The following CDKN2B-AS1 variants were observed in gnomAD, a reference collection of about 807,000 sequenced individuals.
CDKN2B-AS1 encodes CDKN2B antisense RNA 1 (non-protein coding).
intron 4 of CDKN2B-AS1, among the ~76,000 whole-genome samples, chr9:22,124,130 A>AAT (rs1256437486): frequency 1.3e-5 from 2 of 152,104 alleles, no homozygotes; most frequent in Admixed American, 6.6e-5. Flanking sequence ...AACATTTGGC[A>AAT]ATATATATAT....
At chr9:22,032,153 T>G (rs634537) in intron 1 of CDKN2B-AS1, among the ~76,000 whole-genome samples, 42,355 of 151,896 alleles carry the variant, frequency 0.28, 7,658 homozygotes, top group Non-Finnish European at 0.41. Flanking sequence ...AGGTTTTTTT[T>G]GGGGGGAGAA....
At chr9:22,012,209 C>G (rs1821538514) in intron 1 of CDKN2B-AS1, 1 of 1,403,226 alleles carries the variant, frequency 7.1e-7, no homozygotes, top group African/African-American at 1.4e-5. Flanking sequence ...TGAGGTCGAG[C>G]CCAGTGACAC....
intron 4 of CDKN2B-AS1, among the ~76,000 whole-genome samples, chr9:22,059,744 A>T (rs1003528850): frequency 6.6e-6 from 1 of 152,230 alleles, no homozygotes; most frequent in Admixed American, 6.5e-5. Flanking sequence ...CCCAGCAGCA[A>T]ACTTTTGCCT....
intron 4 of CDKN2B-AS1, among the ~76,000 whole-genome samples, chr9:22,100,111 A>G (rs114668629): frequency 0.013 from 1,987 of 152,276 alleles, 44 homozygotes; most frequent in African/African-American, 0.046. Flanking sequence ...TTTATTGACT[A>G]TATTTTATTC....
At chr9:22,020,105 T>A (rs2131220701) in intron 1 of CDKN2B-AS1, among the ~76,000 whole-genome samples, 1 of 152,348 alleles carries the variant, frequency 6.6e-6, no homozygotes, top group Admixed American at 6.5e-5. Flanking sequence ...CTTCCACTTA[T>A]AAGTGAGAAC....
At chr9:22,030,066 G>C (rs1030728545) in intron 1 of CDKN2B-AS1, 1 of 152,108 alleles carries the variant, frequency 6.6e-6, no homozygotes, top group African/African-American at 2.4e-5. Context: ...TTTCAGTTAC[G>C]TTTATAACTT....
intron 1 of CDKN2B-AS1, among the ~76,000 whole-genome samples, chr9:22,028,881 C>A (rs78895305): frequency 1.3e-5 from 2 of 151,968 alleles, no homozygotes; most frequent in African/African-American, 4.8e-5. Flanking sequence ...ATAATTGTAA[C>A]AATGATAAAT....
rs1821202823 is a variant in CDKN2B-AS1, at chr9:22,006,640, G to C, written n.29+11479G>C. ...AAAGTTTTAAATTATTTGCCTTGCT[G>C]ACCCCTCCTCCATAATCCAGGTCTA... On this transcript the variant is annotated intron_variant and non_coding_transcript_variant, in intron 1 of 4. Coordinates refer to ENST00000650946, the Ensembl canonical transcript of CDKN2B-AS1. This position sits in a 1 kb window ranked among gnomAD's most constrained non-coding sequence, Gnocchi z 6.4. Among the ~76,000 whole-genome samples, 1 of 152,126 alleles carries C rather than the reference G, an allele frequency of 6.6e-6. No individual in the cohort carries two copies. The highest frequency in any genetic ancestry group is 2.1e-4 in the South Asian group (1 of 4,824).
chr9:22,083,530 A>G (rs558980909), intron 4 of CDKN2B-AS1, among the ~76,000 whole-genome samples: 2 of 152,330 alleles, frequency 1.3e-5, no homozygotes, highest in East Asian at 3.9e-4. Flanking sequence ...TTTTGAATGA[A>G]GATTCCCATG....
chr9:22,044,667 T>G (rs528034490), intron 1 of CDKN2B-AS1, among the ~76,000 whole-genome samples: 2 of 152,130 alleles, frequency 1.3e-5, no homozygotes, highest in Admixed American at 1.3e-4. Context: ...TTGCATAGCT[T>G]GATGAAATAT....
At chr9:22,107,667 A>G (rs1825696345) in intron 4 of CDKN2B-AS1, among the ~76,000 whole-genome samples, 1 of 152,200 alleles carries the variant, frequency 6.6e-6, no homozygotes, top group African/African-American at 2.4e-5. Context: ...TTCTCCACCC[A>G]GCACTGCAAC....
intron 4 of CDKN2B-AS1, among the ~76,000 whole-genome samples, chr9:22,106,497 A>G (rs182290114): frequency 6.6e-6 from 1 of 152,186 alleles, no homozygotes. Context: ...GATTATAGGC[A>G]TGCGCTACCG....
chr9:22,052,707 C>A (rs1823401231), intron 3 of CDKN2B-AS1, among the ~76,000 whole-genome samples: 1 of 152,232 alleles, frequency 6.6e-6, no homozygotes, highest in Non-Finnish European at 1.5e-5. Flanking sequence ...TTTGTTTATT[C>A]AGTCCAGAGC....
intron 4 of CDKN2B-AS1, chr9:22,120,203 C>G (rs892367163): frequency 6.6e-5 from 10 of 152,176 alleles, no homozygotes; most frequent in Admixed American, 5.2e-4. Context: ...TTCCCAGTAT[C>G]TTACAGACAG....
intron 1 of CDKN2B-AS1, among the ~76,000 whole-genome samples, chr9:22,020,752 G>T (rs1247978813): frequency 6.6e-6 from 1 of 152,034 alleles, no homozygotes; most frequent in Non-Finnish European, 1.5e-5. Flanking sequence ...ATTTGTTTAA[G>T]GTCTTTATAG....
intron 4 of CDKN2B-AS1, among the ~76,000 whole-genome samples, chr9:22,069,951 C>G (rs1319781945): frequency 6.6e-6 from 1 of 152,130 alleles, no homozygotes; most frequent in Non-Finnish European, 1.5e-5. Context: ...CTACCTCCGC[C>G]TCCCAGGTTC....
downstream of CDKN2B-AS1, among the ~76,000 whole-genome samples, chr9:22,128,124 A>G (rs1201581602): frequency 1.3e-5 from 2 of 152,150 alleles, no homozygotes; most frequent in Non-Finnish European, 2.9e-5. Context: ...TTTGCAATAA[A>G]TGATCAACTT....
chr9:22,071,531 A>C (rs183154293), intron 4 of CDKN2B-AS1, among the ~76,000 whole-genome samples: 9 of 152,180 alleles, frequency 5.9e-5, no homozygotes, highest in Admixed American at 5.9e-4. Context: ...GCATTGAATC[A>C]AGAATCTGGC....
chr9:22,007,918 T>C (rs1013678599), intron 1 of CDKN2B-AS1, among the ~76,000 whole-genome samples: 3 of 152,196 alleles, frequency 2.0e-5, no homozygotes, highest in Non-Finnish European at 2.9e-5. Flanking sequence ...TTCTTTAAAA[T>C]CTATACTATT....
Sources: allele counts gnomAD v4.1 joint callset (sites outside exome capture counted in the v4.1 genomes callset), GRCh38; gene constraint gnomAD v4.1.1; non-coding constraint Gnocchi (gnomAD v3.1); transcripts MANE v1.5; gene names NCBI Gene and HGNC (gene_info 2026-07-23, HGNC 2026-07-21).